Variants in ITGA9 observed in about 807,000 individuals in gnomAD.
The protein encoded by ITGA9 is integrin alpha-9.
A neutral mutation model predicts 127.8 loss-of-function variants in ITGA9; 56 were observed. The observed-to-expected ratio is 0.44, with a 90% CI of 0.35 to 0.55. The LOEUF is 0.55. Ranked by LOEUF, ITGA9 falls within the 20% of genes least tolerant of loss-of-function variation. The pLI is 0.00. For missense variants in ITGA9, 1,196 were observed against 1,347.1 expected (o/e 0.89, Z 1.76); for synonymous variants, 508 against 514.5 (o/e 0.99, Z 0.17).
chr3:37,554,226 G>A lies in ITGA9; in HGVS notation c.1689+11641G>A, dbSNP rs536026172. 2.6e-5 allele frequency among the ~76,000 whole-genome samples: 4 copies of A among 152,242 alleles called. No individual in the cohort carries two copies. In the South Asian group the frequency reaches 8.3e-4, roughly 32 times the overall value. On this transcript the variant is annotated intron_variant, in intron 15 of 27. Transcript: ENST00000264741. ...GCGGGTTTGGGAGTGCAGGCATGGG[G>A]TTATGGGGGTCAGGGTGACCTCACT...
chr3:37,652,024 G>T (rs1021039095), intron 16 of ITGA9, among the ~76,000 whole-genome samples: 2 of 152,052 alleles, frequency 1.3e-5, no homozygotes, highest in African/African-American at 4.8e-5. Flanking sequence ...TGTCTTGCCT[G>T]TGAGACAGGA....
In ITGA9 at chr3:37,605,253, A is replaced by G. The variant is rs373166942; in HGVS notation, c.1690-23934A>G. On this transcript the variant is annotated intron_variant, in intron 15 of 27. Transcript: ENST00000264741. The stretch of plus-strand genomic sequence containing the variant: ...TTGGAGGATGAGCGGGGAGAGTGGG[A>G]GGAGATAGTGGGAAAGTCTGTGGAG... Among the ~76,000 whole-genome samples, 12 of 152,062 alleles carry G rather than the reference A, an allele frequency of 7.9e-5. No individual in the cohort carries two copies. The East Asian group carries it at 1.2e-3, about 15-fold the overall frequency.
intron 27 of ITGA9, among the ~76,000 whole-genome samples, chr3:37,813,595 G>C (rs1697394291): frequency 6.6e-6 from 1 of 152,140 alleles, no homozygotes; most frequent in African/African-American, 2.4e-5. Flanking sequence ...TGTGCCTCTA[G>C]GGCATTTAGA....
At chr3:37,574,673 G>C (rs917309056) in intron 15 of ITGA9, among the ~76,000 whole-genome samples, 2 of 152,136 alleles carry the variant, frequency 1.3e-5, no homozygotes, top group Non-Finnish European at 2.9e-5. Context: ...GTTCCTTGCC[G>C]TTTCACAGCC....
At position 37,556,472 on chromosome 3, in the gene ITGA9, A is replaced by G. The variant is rs567988104; in HGVS notation, c.1689+13887A>G. On this transcript the variant is annotated intron_variant, in intron 15 of 27. Coordinates refer to ENST00000264741, the MANE Select transcript of ITGA9 (RefSeq NM_002207.3). ...GTGGGAAGAGAAGAGGGCAAATGGT[A>G]AGGCAGCTCTCGGAGCTGGCACGTT... Among the ~76,000 whole-genome samples the G allele has an allele frequency of 2.6e-5, 4 of 152,378 alleles. No individual in the cohort carries two copies. The East Asian group carries it at 7.7e-4, about 29-fold the overall frequency.
intron 10 of ITGA9, among the ~76,000 whole-genome samples, chr3:37,518,380 C>T (rs1197117343): frequency 4.6e-5 from 7 of 152,198 alleles, no homozygotes; most frequent in Non-Finnish European, 1.0e-4. Context: ...TCATTTTCCT[C>T]CCCCTTGGCC....
Position 37,481,489 on chromosome 3 carries a change from T to C in ITGA9, c.426T>C (p.Cys142=). The C allele has an allele frequency of 6.2e-7, 1 of 1,614,222 alleles. No individual in the cohort carries two copies. The highest frequency in any genetic ancestry group is 1.1e-5 in the South Asian group (1 of 91,088). Residue 142 remains cysteine, a synonymous_variant, in exon 4 of 28, where the codon TGT becomes TGC. Coordinates refer to ENST00000264741, the MANE Select transcript of ITGA9 (RefSeq NM_002207.3). ...QPKADGRVLA[C]AHRWKNIYYE... is the part of the protein sequence containing the mutation. ...ACTGCTCTCTATCCCTTTAGGCCTG[T>C]GCTCATCGCTGGAAGAACATCTACT...
At chr3:37,564,316 TA>T (rs1699524676) in intron 15 of ITGA9, among the ~76,000 whole-genome samples, 1 of 152,248 alleles carries the variant, frequency 6.6e-6, no homozygotes, top group Admixed American at 6.5e-5. Flanking sequence ...GTTTCATATG[TA>T]GAGATTTTTC....
At chr3:37,797,514 C>T (rs1359417484) in intron 26 of ITGA9, among the ~76,000 whole-genome samples, 2 of 152,056 alleles carry the variant, frequency 1.3e-5, no homozygotes, top group Non-Finnish European at 2.9e-5. Context: ...GTAAGGCAGG[C>T]TTCTTGGGAA....
chr3:37,781,555 C>T (rs746949481), intron 25 of ITGA9, among the ~76,000 whole-genome samples: 6 of 152,154 alleles, frequency 3.9e-5, no homozygotes, highest in African/African-American at 4.8e-5. Flanking sequence ...ACCAGTGCAT[C>T]GGTGGCTCTT....
At position 37,778,012 on chromosome 3, in the gene ITGA9, A is replaced by G. The variant is rs1696928427; in HGVS notation, c.2667+495A>G. On this transcript the variant is annotated intron_variant, in intron 24 of 27. Coordinates refer to ENST00000264741, the MANE Select transcript of ITGA9 (RefSeq NM_002207.3). ...GATATCCATCAATAGGAGAATAAGT[A>G]AGCAATTGTGGTATATCCATACACT... Among the ~76,000 whole-genome samples the G allele has an allele frequency of 2.0e-5, 3 of 152,388 alleles. 1 individual carries two copies. The South Asian group carries it at 6.2e-4, about 32-fold the overall frequency.
chr3:37,774,808 T>C (rs1349157823), intron 23 of ITGA9, among the ~76,000 whole-genome samples: 1 of 152,240 alleles, frequency 6.6e-6, no homozygotes, highest in East Asian at 1.9e-4. Flanking sequence ...TGAGAAACTT[T>C]TATAGGCAAC....
chr3:37,453,182 A>G (rs1246215205), intron 1 of ITGA9, among the ~76,000 whole-genome samples: 2 of 150,920 alleles, frequency 1.3e-5, no homozygotes, highest in Non-Finnish European at 2.9e-5. Context: ...CCTAGGATAT[A>G]GGGAAGAGGA....
At chr3:37,537,754 C>T (rs1699224576) in intron 14 of ITGA9, among the ~76,000 whole-genome samples, 1 of 152,208 alleles carries the variant, frequency 6.6e-6, no homozygotes, top group Non-Finnish European at 1.5e-5. Flanking sequence ...GTGTGGCATG[C>T]ACTGTGCTTA....
At chr3:37,782,395 C>T (rs1696985027) in intron 25 of ITGA9, among the ~76,000 whole-genome samples, 1 of 152,214 alleles carries the variant, frequency 6.6e-6, no homozygotes, top group African/African-American at 2.4e-5. Flanking sequence ...CCAGTGGTGA[C>T]CCTTTGCCAA....
intron 5 of ITGA9, among the ~76,000 whole-genome samples, chr3:37,502,724 C>T (rs1698799598): frequency 6.6e-6 from 1 of 152,180 alleles, no homozygotes; most frequent in African/African-American, 2.4e-5. Context: ...TACTAGTGCA[C>T]AGTTTCCTCT....
At chr3:37,776,234 T>C (rs1696905997) in intron 23 of ITGA9, among the ~76,000 whole-genome samples, 2 of 152,178 alleles carry the variant, frequency 1.3e-5, no homozygotes, top group Non-Finnish European at 2.9e-5. Context: ...TATTGGGTAC[T>C]AGGCTTAGTA....
intron 15 of ITGA9, among the ~76,000 whole-genome samples, chr3:37,572,455 T>C (rs1433578138): frequency 6.6e-6 from 1 of 152,142 alleles, no homozygotes; most frequent in African/African-American, 2.4e-5. Context: ...CGCTGTGTGA[T>C]CCTAAGCCAG....
At chr3:37,539,876 C>T (rs1699248519) in intron 14 of ITGA9, among the ~76,000 whole-genome samples, 1 of 152,040 alleles carries the variant, frequency 6.6e-6, no homozygotes, top group Non-Finnish European at 1.5e-5. Context: ...AGAATTACCC[C>T]ACATCAAGGG....
Sources: allele counts gnomAD v4.1 joint callset (sites outside exome capture counted in the v4.1 genomes callset), GRCh38; gene constraint gnomAD v4.1.1; transcripts MANE v1.5; gene names NCBI Gene and HGNC (gene_info 2026-07-23, HGNC 2026-07-21).